Variants in PPM1L observed in about 807,000 individuals in gnomAD.
The protein encoded by PPM1L is protein phosphatase, Mg2+/Mn2+ dependent 1L, also known as protein phosphatase 1L.
A neutral mutation model predicts 31.4 loss-of-function variants in PPM1L; 13 were observed. The ratio of observed to expected loss-of-function variants is 0.41; its 90% CI spans 0.27 to 0.66. PPM1L has a LOEUF of 0.66. Ranked by LOEUF, PPM1L falls within the 30% of genes least tolerant of loss-of-function variation. PPM1L has a pLI of 0.29. For synonymous variants in PPM1L, 184 were observed against 175.4 expected, an observed-to-expected ratio of 1.05 and a Z score of -0.39; for missense variants, 326 against 453.7, an observed-to-expected ratio of 0.72 and a Z score of 2.56.
chr3:160,903,824 A>G (rs1713649715), intron 1 of PPM1L, among the ~76,000 whole-genome samples: 1 of 139,062 alleles, frequency 7.2e-6, no homozygotes, highest in Non-Finnish European at 1.6e-5. Flanking sequence ...TCAAAGGGAA[A>G]TGATAATGTA....
At chr3:160,835,088 T>TTCTTCTTCTTC (rs1713668425) in intron 1 of PPM1L, among the ~76,000 whole-genome samples, 1 of 74,610 alleles carries the variant, frequency 1.3e-5, no homozygotes, top group East Asian at 4.9e-4. Context: ...TCTTCTTCTT[T>TTCTTCTTCTTC]CTTTTTTCTT....
chr3:161,000,947 C>T (rs1717461386), intron 2 of PPM1L, among the ~76,000 whole-genome samples: 1 of 152,194 alleles, frequency 6.6e-6, no homozygotes, highest in African/African-American at 2.4e-5. Flanking sequence ...AAACAGAACA[C>T]CAGATCATTG....
chr3:161,040,667 T>C (rs986134828), intron 2 of PPM1L, among the ~76,000 whole-genome samples: 4 of 152,208 alleles, frequency 2.6e-5, no homozygotes, highest in Non-Finnish European at 5.9e-5. Flanking sequence ...GGAATTTGCT[T>C]CTTTTCTATG....
chr3:160,811,499 C>T (rs1218072405), intron 1 of PPM1L, among the ~76,000 whole-genome samples: 2 of 152,168 alleles, frequency 1.3e-5, no homozygotes, highest in African/African-American at 4.8e-5. Flanking sequence ...AACAGAAAAC[C>T]TATGTGACTC....
chr3:160,809,176 T>C (rs951421229), intron 1 of PPM1L, among the ~76,000 whole-genome samples: 5 of 152,242 alleles, frequency 3.3e-5, no homozygotes, highest in African/African-American at 9.6e-5. Context: ...ATATTTTTTT[T>C]TCTTGAATTG....
chr3:161,047,274 C>G (rs929204827), intron 2 of PPM1L, among the ~76,000 whole-genome samples: 1 of 152,184 alleles, frequency 6.6e-6, no homozygotes, highest in Non-Finnish European at 1.5e-5. Context: ...GCAAAAATCA[C>G]AAGCATTCTT....
At chr3:161,003,431 G>A (rs1717579709) in intron 2 of PPM1L, among the ~76,000 whole-genome samples, 1 of 151,742 alleles carries the variant, frequency 6.6e-6, no homozygotes, top group African/African-American at 2.4e-5. Context: ...ACCTTGGGCA[G>A]TATAGCCATT....
At position 160,973,410 on chromosome 3, in the gene PPM1L, C is replaced by T. The variant is rs148689567; in HGVS notation, c.574+11500C>T. ...TCCAGAGACAAGATGCCAATGCCAT[C>T]GGTATCTCTTCCTTTCTGTACTATC... is the stretch of plus-strand genomic sequence containing the variant. On this transcript the variant is annotated intron_variant, in intron 2 of 3. Transcript: ENST00000498165. Among the ~76,000 whole-genome samples the T allele has an allele frequency of 3.4e-3, 512 of 152,302 alleles. 4 individuals are homozygous for T. Among genetic ancestry groups the T allele is most frequent in the African/African-American group, 0.011 (475 of 41,548 alleles).
At position 161,070,492 on chromosome 3, in the gene PPM1L, A is replaced by G. The variant is rs564795474; in HGVS notation, c.*1335A>G. ...GGAATTCAAGCGTGAACCCATATTGATAAGTGGGCCAGAATTATTTAGGGG... is the reference window on the plus strand; with the variant it reads ...GGAATTCAAGCGTGAACCCATATTGGTAAGTGGGCCAGAATTATTTAGGGG... On this transcript the variant is annotated 3_prime_UTR_variant, in exon 4 of 4. Transcript: ENST00000498165. 6 of 152,292 alleles carry G rather than the reference A, an allele frequency of 3.9e-5. No homozygotes were observed. The East Asian group carries it at 7.7e-4, about 20-fold the overall frequency. The allele number at this position is 152,292 out of a possible 1,614,324, so 9.4% of individuals were successfully genotyped here.
intron 1 of PPM1L, among the ~76,000 whole-genome samples, chr3:160,955,911 C>G (rs1163630784): frequency 6.6e-6 from 1 of 152,152 alleles, no homozygotes; most frequent in Admixed American, 6.5e-5. Flanking sequence ...GCCTCAGCCT[C>G]CCAAAGTGCT....
intron 2 of PPM1L, among the ~76,000 whole-genome samples, chr3:160,992,339 A>G (rs773913077): frequency 1.6e-4 from 25 of 152,194 alleles, no homozygotes; most frequent in Non-Finnish European, 3.2e-4. Flanking sequence ...TAGATGTGGT[A>G]AAACAGAGGA....
chr3:160,877,497 G>A (rs905910101), intron 1 of PPM1L, among the ~76,000 whole-genome samples: 2 of 152,162 alleles, frequency 1.3e-5, no homozygotes, highest in South Asian at 2.1e-4. Context: ...AGGTGCCATC[G>A]AAGCAGCATC....
intron 1 of PPM1L, among the ~76,000 whole-genome samples, chr3:160,796,010 A>G (rs1190770528): frequency 6.6e-6 from 1 of 152,212 alleles, no homozygotes; most frequent in African/African-American, 2.4e-5. Flanking sequence ...CTAAATCTGA[A>G]TCATGGAACC....
intron 2 of PPM1L, among the ~76,000 whole-genome samples, chr3:160,987,105 C>G (rs1228368957): frequency 6.6e-6 from 1 of 152,112 alleles, no homozygotes; most frequent in Non-Finnish European, 1.5e-5. Context: ...TGTGATCTGG[C>G]AAAGGCATGG....
intron 1 of PPM1L, among the ~76,000 whole-genome samples, chr3:160,867,962 G>T (rs1712153915): frequency 6.6e-6 from 1 of 152,082 alleles, no homozygotes; most frequent in Non-Finnish European, 1.5e-5. Context: ...GTTACATTTT[G>T]CTTGTTGAAA....
intron 2 of PPM1L, among the ~76,000 whole-genome samples, chr3:161,013,835 T>C (rs1223603154): frequency 6.6e-6 from 1 of 152,216 alleles, no homozygotes. Context: ...TATCAGAGAC[T>C]AGGATGCAAC....
chr3:160,988,952 G>A (rs909773749), intron 2 of PPM1L, among the ~76,000 whole-genome samples: 2 of 152,216 alleles, frequency 1.3e-5, no homozygotes, highest in South Asian at 4.1e-4. Flanking sequence ...AGAGGGGAAG[G>A]CATCAATCTT....
chr3:161,012,252 C>T (rs1717920733), intron 2 of PPM1L, among the ~76,000 whole-genome samples: 2 of 152,064 alleles, frequency 1.3e-5, no homozygotes, highest in Non-Finnish European at 2.9e-5. Flanking sequence ...TGTCAAAGGC[C>T]TTTTCTGCAT....
At chr3:160,923,298 G>T (rs955066655) in intron 1 of PPM1L, among the ~76,000 whole-genome samples, 4 of 152,300 alleles carry the variant, frequency 2.6e-5, no homozygotes, top group Admixed American at 2.6e-4. Context: ...TGAGTCACGT[G>T]TTATAGAAAC....
Sources: allele counts gnomAD v4.1 joint callset (sites outside exome capture counted in the v4.1 genomes callset), GRCh38; gene constraint gnomAD v4.1.1; transcripts MANE v1.5; gene names NCBI Gene and HGNC (gene_info 2026-07-23, HGNC 2026-07-21).